Variants in DLG2 observed in about 807,000 individuals in gnomAD.
DLG2 encodes discs large MAGUK scaffold protein 2.
A neutral mutation model predicts 132.5 loss-of-function variants in DLG2; 45 were observed. The ratio of observed to expected loss-of-function variants is 0.34; its 90% CI spans 0.27 to 0.44. The LOEUF (loss-of-function observed/expected upper bound fraction) is 0.44. Among genes scored for constraint, DLG2 ranks in the 20% least tolerant of loss-of-function variants. The pLI is 1.00. For synonymous variants in DLG2, 424 were observed against 419.6 expected, an observed-to-expected ratio of 1.01 and a Z score of -0.13; for missense variants, 1,045 against 1,196.9, an observed-to-expected ratio of 0.87 and a Z score of 1.87.
chr11:85,520,468 T>C lies in DLG2; in HGVS notation c.40+78189A>G, dbSNP rs1448629939. ...GCAATTCTTATCAAAATACCAATGG[T>C]ATTCTTCACAGAAACAGAAAAAAAT... is the stretch of plus-strand genomic sequence containing the variant. On this transcript the variant is annotated intron_variant, in intron 3 of 27. Transcript: ENST00000376104. Among the ~76,000 whole-genome samples the C allele has an allele frequency of 2.0e-5, 3 of 151,270 alleles. 1 individual carries two copies. In the Admixed American group the frequency reaches 2.0e-4, roughly 10 times the overall value.
At chr11:85,396,378 G>T (rs1369154118) in intron 3 of DLG2, among the ~76,000 whole-genome samples, 1 of 152,082 alleles carries the variant, frequency 6.6e-6, no homozygotes, top group African/African-American at 2.4e-5. Flanking sequence ...TCCTCCAAAG[G>T]ATCACAGCTT....
rs535110810 is a variant in DLG2, at chr11:85,620,274, G to A, written c.-93+6313C>T. Among the ~76,000 whole-genome samples, 20 of 152,276 alleles carry A rather than the reference G, an allele frequency of 1.3e-4. No homozygotes were observed. The East Asian group carries it at 3.5e-3, about 26-fold the overall frequency. Reference sequence around the variant, plus strand: ...AATCTGTAAATGTTGTGTGTTATCTGACTCCTCTACCAACTGGTCATTGCC... The same window carrying A: ...AATCTGTAAATGTTGTGTGTTATCTAACTCCTCTACCAACTGGTCATTGCC... On this transcript the variant is annotated intron_variant, in intron 2 of 27. Coordinates refer to ENST00000376104, the MANE Select transcript of DLG2 (RefSeq NM_001142699.3).
At chr11:84,248,661 C>T (rs2097333514) in intron 8 of DLG2, among the ~76,000 whole-genome samples, 1 of 152,088 alleles carries the variant, frequency 6.6e-6, no homozygotes, top group Non-Finnish European at 1.5e-5. Context: ...TCAAGATCAG[C>T]CTGGCCAACA....
intron 26 of DLG2, 69 bp from the exon 27 acceptor site, chr11:83,462,162 G>T: frequency 9.7e-7 from 1 of 1,030,944 alleles, no homozygotes; most frequent in South Asian, 1.3e-5. Context: ...TAAAATGTAT[G>T]GCAAAAATAA....
intron 6 of DLG2, chr11:84,923,549 A>G (rs2092862621): frequency 2.0e-6 from 2 of 1,009,540 alleles, no homozygotes; most frequent in Non-Finnish European, 2.4e-6. Context: ...GTGTTATCCT[A>G]TTAAATACTT....
intron 19 of DLG2, among the ~76,000 whole-genome samples, chr11:83,615,171 C>T (rs903235863): frequency 8.5e-5 from 13 of 152,244 alleles, no homozygotes; most frequent in African/African-American, 3.1e-4. Context: ...TTCAGAATAT[C>T]TTATTCTGCA....
At chr11:84,218,393 G>GAA (rs1394885443) in intron 8 of DLG2, among the ~76,000 whole-genome samples, 1 of 146,228 alleles carries the variant, frequency 6.8e-6, no homozygotes, top group African/African-American at 2.5e-5. Flanking sequence ...AGGGAGGGAG[G>GAA]GAGGGAGGAA....
intron 5 of DLG2, among the ~76,000 whole-genome samples, chr11:85,116,878 A>G (rs1023507017): frequency 6.6e-6 from 1 of 152,000 alleles, no homozygotes; most frequent in Non-Finnish European, 1.5e-5. Flanking sequence ...AAGGGGGAGA[A>G]TATCTTTGAA....
chr11:84,197,411 AGC>A (rs1286687099), intron 8 of DLG2, among the ~76,000 whole-genome samples: 2 of 152,222 alleles, frequency 1.3e-5, no homozygotes, highest in Non-Finnish European at 2.9e-5. Flanking sequence ...GAATTTGTAT[AGC>A]CATTTTTAAA....
chr11:84,485,658 G>C (rs1236743287), intron 7 of DLG2, among the ~76,000 whole-genome samples: 1 of 152,128 alleles, frequency 6.6e-6, no homozygotes, highest in East Asian at 1.9e-4. Flanking sequence ...CTCCAAACTT[G>C]ATAAAGGTTT....
At chr11:84,889,836 A>G (rs1464101421) in intron 6 of DLG2, among the ~76,000 whole-genome samples, 2 of 152,178 alleles carry the variant, frequency 1.3e-5, no homozygotes, top group Non-Finnish European at 2.9e-5. Flanking sequence ...TGACTCAGGA[A>G]TAGACCTAGA....
chr11:84,503,923 T>A (rs956706199), intron 7 of DLG2, among the ~76,000 whole-genome samples: 9 of 152,052 alleles, frequency 5.9e-5, no homozygotes, highest in Admixed American at 3.3e-4. Context: ...TGTACAGAGA[T>A]TTCTATGTTC....
At chr11:83,473,153 T>C (rs1440956759) in intron 22 of DLG2, among the ~76,000 whole-genome samples, 1 of 152,160 alleles carries the variant, frequency 6.6e-6, no homozygotes, top group Non-Finnish European at 1.5e-5. Context: ...ATAATCAGAA[T>C]TGCTGTACCT....
intron 18 of DLG2, among the ~76,000 whole-genome samples, chr11:83,726,179 T>C (rs1343525427): frequency 4.6e-5 from 7 of 152,214 alleles, no homozygotes; most frequent in African/African-American, 1.7e-4. Flanking sequence ...CACTGAAAAG[T>C]TGAATCTGCT....
At chr11:84,270,280 A>G (rs1330739266) in intron 7 of DLG2, among the ~76,000 whole-genome samples, 1 of 152,204 alleles carries the variant, frequency 6.6e-6, no homozygotes, top group Non-Finnish European at 1.5e-5. Flanking sequence ...ACTTAGGCTA[A>G]AAGATAAGAA....
chr11:84,348,143 T>A (rs916465025), intron 7 of DLG2, among the ~76,000 whole-genome samples: 4 of 152,232 alleles, frequency 2.6e-5, no homozygotes, highest in African/African-American at 9.6e-5. Context: ...ATCATTCTTA[T>A]CATTACTTAT....
At chr11:85,383,975 G>T (rs972546295) in intron 3 of DLG2, among the ~76,000 whole-genome samples, 10 of 152,148 alleles carry the variant, frequency 6.6e-5, no homozygotes, top group African/African-American at 2.4e-4. Context: ...TGTTTGAAAT[G>T]CCATTGCTTT....
At chr11:84,917,092 C>T (rs913531908) in intron 6 of DLG2, among the ~76,000 whole-genome samples, 1 of 152,198 alleles carries the variant, frequency 6.6e-6, no homozygotes, top group African/African-American at 2.4e-5. Context: ...TTATGTTCTA[C>T]CTACCTCACT....
intron 3 of DLG2, among the ~76,000 whole-genome samples, chr11:85,565,193 A>G (rs913142159): frequency 8.6e-5 from 13 of 151,936 alleles, no homozygotes; most frequent in African/African-American, 2.7e-4. Context: ...TCTTTACAAT[A>G]TGTATGTTTT....
Sources: allele counts gnomAD v4.1 joint callset (sites outside exome capture counted in the v4.1 genomes callset), GRCh38; gene constraint gnomAD v4.1.1; transcripts MANE v1.5; gene names NCBI Gene and HGNC (gene_info 2026-07-23, HGNC 2026-07-21).